RNF216: variants seen among roughly 807,000 people sequenced by gnomAD.
RNF216 encodes the protein E3 ubiquitin-protein ligase RNF216.
Under a neutral mutation model 110.8 loss-of-function variants are expected in RNF216, and 72 were observed. That is an observed-to-expected ratio of 0.65 (90% confidence interval 0.54 to 0.79). The LOEUF is 0.79. Ranked by LOEUF, RNF216 falls within the 30% of genes least tolerant of loss-of-function variation. RNF216 has a pLI of 0.00. For synonymous variants in RNF216, 495 were observed against 407.5 expected (o/e 1.21, Z -2.59); for missense variants, 1,342 against 1,141.2 (o/e 1.18, Z -2.54).
Position 5,641,316 on chromosome 7 carries a change from G to C in RNF216, c.2220C>G (p.Ile740Met). Residue 740 changes from isoleucine to methionine, a missense_variant, in exon 15 of 17, where the codon ATC becomes ATG. Ile to Met is a conservative substitution (Grantham distance 10, BLOSUM62 1). Transcript: ENST00000389902. ...ACATGCGGTTGCAGCCTTCAGATTT[G>C]ATGAGGCCAGTCCCACACTTGTGGC... ...RKCHKCGTGL[I>M]KSEGCNRMSC... is the part of the protein sequence containing the mutation. 1 of 1,614,160 alleles carries C rather than the reference G, an allele frequency of 6.2e-7. No individual in the cohort carries two copies. The highest frequency in any genetic ancestry group is 8.5e-7 in the Non-Finnish European group (1 of 1,180,036).
At chr7:5,715,386 A>G (rs1792981346) in intron 10 of RNF216, among the ~76,000 whole-genome samples, 196 bp from the exon 11 acceptor site, 2 of 152,298 alleles carry the variant, frequency 1.3e-5, no homozygotes, top group African/African-American at 4.8e-5. Flanking sequence ...GTATTAATCC[A>G]TACCTAAAAC....
chr7:5,699,031 G>T (rs1791806700), intron 13 of RNF216, among the ~76,000 whole-genome samples: 1 of 152,082 alleles, frequency 6.6e-6, no homozygotes, highest in South Asian at 2.1e-4. Flanking sequence ...TAGAGTTTTT[G>T]ACTTGTTTTT....
At chr7:5,768,807 G>A (rs928620704) in intron 1 of RNF216, among the ~76,000 whole-genome samples, 1 of 151,334 alleles carries the variant, frequency 6.6e-6, no homozygotes, top group African/African-American at 2.4e-5. Context: ...GACTACAGGC[G>A]CCCACCACCA....
At chr7:5,746,630 C>A (rs753396617) in intron 3 of RNF216, among the ~76,000 whole-genome samples, 2 of 152,148 alleles carry the variant, frequency 1.3e-5, no homozygotes, top group Non-Finnish European at 2.9e-5. Flanking sequence ...TTGGAGCCAA[C>A]GTCATCCCGG....
intron 2 of RNF216, among the ~76,000 whole-genome samples, chr7:5,756,148 T>C (rs1020080223): frequency 1.3e-5 from 2 of 152,164 alleles, no homozygotes; most frequent in African/African-American, 2.4e-5. Flanking sequence ...TGGTTTTATA[T>C]GCACTGGCAT....
chr7:5,730,412 T>C (rs562638202), intron 6 of RNF216, among the ~76,000 whole-genome samples: 1 of 152,356 alleles, frequency 6.6e-6, no homozygotes, highest in Non-Finnish European at 1.5e-5. Context: ...CAATTCTTGT[T>C]TTGCTTTAGG....
rs1013265372 is a variant in RNF216, at chr7:5,621,863, G to A, written c.*997C>T. On this transcript the variant is annotated 3_prime_UTR_variant, in exon 17 of 17. Coordinates refer to ENST00000389902, the MANE Select transcript of RNF216 (RefSeq NM_207111.4). ...TGAGCTGATGCTCAGCTGACTCCAT[G>A]AGAAGGGAAGTGACCTTCACATGGG... 6.6e-6 allele frequency: 1 copy of A among 152,308 alleles called. No individual in the cohort carries two copies. Among genetic ancestry groups the A allele is most frequent in the Non-Finnish European group, 1.5e-5 (1 of 68,142 alleles). 9.4% of individuals were successfully genotyped at this position (152,308 alleles called of 1,614,324 possible).
At chr7:5,749,146 T>C (rs1795201579) in intron 3 of RNF216, among the ~76,000 whole-genome samples, 1 of 110,998 alleles carries the variant, frequency 9.0e-6, no homozygotes, top group African/African-American at 3.8e-5. Context: ...AAAATGCCCA[T>C]GTATTTTTTT....
intron 15 of RNF216, among the ~76,000 whole-genome samples, chr7:5,632,463 C>G (rs1029454249): frequency 2.0e-5 from 3 of 152,214 alleles, no homozygotes; most frequent in African/African-American, 7.2e-5. Flanking sequence ...GGAGTGGATG[C>G]TGATCAGCGA....
chr7:5,664,526 C>T (rs773075860), intron 13 of RNF216, among the ~76,000 whole-genome samples: 1 of 152,192 alleles, frequency 6.6e-6, no homozygotes, highest in Non-Finnish European at 1.5e-5. Flanking sequence ...GATCTCTCTT[C>T]AATCAGGATA....
chr7:5,629,257 G>T (rs117438505), intron 15 of RNF216, among the ~76,000 whole-genome samples: 6,226 of 148,582 alleles, frequency 0.042, 172 homozygotes, highest in East Asian at 0.093. Flanking sequence ...CAGCAGGATC[G>T]CTTGAGGCCA....
intron 13 of RNF216, among the ~76,000 whole-genome samples, chr7:5,698,153 C>G (rs149444097): frequency 6.4e-4 from 98 of 152,250 alleles, no homozygotes; most frequent in African/African-American, 2.2e-3. Flanking sequence ...AATGCCAATC[C>G]TAGTTTTAAA....
At chr7:5,648,552 C>G (rs767349292) in intron 14 of RNF216, among the ~76,000 whole-genome samples, 3 of 151,102 alleles carry the variant, frequency 2.0e-5, no homozygotes, top group African/African-American at 7.3e-5. Context: ...GGTGAAACCC[C>G]GTCTCTACTA....
intron 13 of RNF216, among the ~76,000 whole-genome samples, chr7:5,658,558 T>A (rs578000805): frequency 7.3e-6 from 1 of 136,562 alleles, no homozygotes; most frequent in African/African-American, 3.3e-5. Context: ...CTTGGGAGGC[T>A]GAGGGGGAGG....
At chr7:5,729,286 A>T in intron 7 of RNF216, 146 bp downstream of exon 7, 1 of 724,872 alleles carries the variant, frequency 1.4e-6, no homozygotes. Flanking sequence ...CACGATGAGC[A>T]AATACCCATC....
intron 14 of RNF216, among the ~76,000 whole-genome samples, chr7:5,641,720 A>G (rs1192130560): frequency 6.6e-6 from 1 of 152,184 alleles, no homozygotes. Context: ...TATTTGTTAT[A>G]GGAATCCCTG....
intron 15 of RNF216, among the ~76,000 whole-genome samples, chr7:5,640,532 G>A (rs1442989801): frequency 6.6e-6 from 1 of 152,078 alleles, no homozygotes; most frequent in East Asian, 1.9e-4. Context: ...GACCCTATGT[G>A]TTTAATTTCC....
rs1787601662 is a variant in RNF216, at chr7:5,639,486, CAG to C, written c.2382+1666_2382+1667del. Reference sequence around the variant, plus strand: ...TGGCTCCACATTTTTTTTTTTGAGACAGAGTCTCACATTGTCACCCAGGCTGG... The same window carrying C: ...TGGCTCCACATTTTTTTTTTTGAGACAGTCTCACATTGTCACCCAGGCTGG... On this transcript the variant is annotated intron_variant, in intron 15 of 16. Transcript: ENST00000389902. Among the ~76,000 whole-genome samples the C allele has an allele frequency of 2.6e-5, 4 of 151,930 alleles. No individual in the cohort carries two copies. In the South Asian group the frequency reaches 8.3e-4, roughly 32 times the overall value.
rs1219747761 is a variant in RNF216 at position 5,729,604 on chromosome 7, G to A, written c.1225-8C>T. On this transcript the variant is annotated splice_polypyrimidine_tract_variant and splice_region_variant and intron_variant, in intron 6 of 16. Coordinates refer to ENST00000389902, the MANE Select transcript of RNF216 (RefSeq NM_207111.4). ...AAAGTCTATTTTAGGCAACTGAAAT[G>A]AGAGAGAAGCATAAAATCAGAGGCC... 2 of 1,611,608 alleles carry A rather than the reference G, an allele frequency of 1.2e-6. No individual in the cohort carries two copies. Among genetic ancestry groups the A allele is most frequent in the Admixed American group, 3.3e-5 (2 of 59,960 alleles).
Sources: allele counts gnomAD v4.1 joint callset (sites outside exome capture counted in the v4.1 genomes callset), GRCh38; gene constraint gnomAD v4.1.1; transcripts MANE v1.5; gene names NCBI Gene and HGNC (gene_info 2026-07-23, HGNC 2026-07-21).